The following SLC4A4 variants were observed in gnomAD, a reference collection of about 807,000 sequenced individuals.
SLC4A4 encodes electrogenic sodium bicarbonate cotransporter 1.
Under a neutral mutation model 111.5 loss-of-function variants are expected in SLC4A4, and 27 were observed. That is an observed-to-expected ratio of 0.24 (90% CI 0.18 to 0.33). SLC4A4 has a LOEUF of 0.33. Ranked by LOEUF, SLC4A4 falls within the 10% of genes least tolerant of loss-of-function variation. The pLI is 1.00. For synonymous variants in SLC4A4, 443 were observed against 463.4 expected (o/e 0.96, Z 0.57); for missense variants, 909 against 1,315.5 (o/e 0.69, Z 4.78).
At chr4:71,073,615 A>G (rs1741726342) in intron 1 of SLC4A4, among the ~76,000 whole-genome samples, 1 of 151,982 alleles carries the variant, frequency 6.6e-6, no homozygotes, top group Non-Finnish European at 1.5e-5. Context: ...TTCACAAACT[A>G]TATTTCACAT....
intron 8 of SLC4A4, among the ~76,000 whole-genome samples, chr4:71,447,202 C>T (rs1027280553): frequency 1.3e-5 from 2 of 152,246 alleles, no homozygotes; most frequent in East Asian, 1.9e-4. Context: ...AGTGTGGAGA[C>T]GATCATCTGT....
At chr4:71,074,303 A>G (rs74380820) in intron 1 of SLC4A4, among the ~76,000 whole-genome samples, 70 of 152,346 alleles carry the variant, frequency 4.6e-4, no homozygotes, top group African/African-American at 1.7e-3. Flanking sequence ...AGGCTGCACC[A>G]GCAAGAGTTC....
chr4:71,412,036 T>C (rs1721404683), intron 7 of SLC4A4, among the ~76,000 whole-genome samples: 1 of 152,256 alleles, frequency 6.6e-6, no homozygotes, highest in Non-Finnish European at 1.5e-5. Context: ...GATTAAGACA[T>C]AATACGTTAT....
At chr4:71,068,521 T>C (rs1318195972) in intron 1 of SLC4A4, among the ~76,000 whole-genome samples, 3 of 152,198 alleles carry the variant, frequency 2.0e-5, no homozygotes, top group Admixed American at 2.0e-4. Context: ...CTGATTTTCA[T>C]CACCATACAT....
chr4:71,485,492 A>T (rs2149129312), intron 14 of SLC4A4, among the ~76,000 whole-genome samples: 1 of 151,758 alleles, frequency 6.6e-6, no homozygotes, highest in East Asian at 2.0e-4. Context: ...AGCCTACTTG[A>T]TCGTGGTGGA....
At chr4:71,521,704 G>A (rs1293696526) in intron 16 of SLC4A4, among the ~76,000 whole-genome samples, 1 of 152,164 alleles carries the variant, frequency 6.6e-6, no homozygotes, top group Non-Finnish European at 1.5e-5. Context: ...GTGAGACTGG[G>A]GAGCCCATAG....
rs144155178 is a variant in SLC4A4, at chr4:71,172,549, T to C, written c.-1-64027T>C. Among the ~76,000 whole-genome samples the C allele has an allele frequency of 4.1e-3, 628 of 152,356 alleles. 8 individuals carry two copies. The highest frequency in any genetic ancestry group is 0.014 in the African/African-American group (588 of 41,574). ...GATTACAGGCGTGAGCCACCGTGCC[T>C]GGCCTAGCACAGATATTTTCTGACA... On this transcript the variant is annotated intron_variant, in intron 2 of 26. Coordinates refer to the SLC4A4 transcript ENST00000649996.
intron 22 of SLC4A4, 147 bp downstream of exon 22, chr4:71,558,032 T>G: frequency 1.4e-6 from 1 of 695,826 alleles, no homozygotes; most frequent in South Asian, 1.6e-5. Context: ...TAATTTACAT[T>G]TCCCATGTTT....
intron 16 of SLC4A4, among the ~76,000 whole-genome samples, chr4:71,509,561 G>T (rs1248924783): frequency 6.6e-6 from 1 of 152,098 alleles, no homozygotes; most frequent in South Asian, 2.1e-4. Flanking sequence ...TACTTCATGG[G>T]GGTTTGTGAT....
intron 3 of SLC4A4, among the ~76,000 whole-genome samples, chr4:71,327,080 T>C (rs1727558502): frequency 2.0e-5 from 3 of 152,020 alleles, no homozygotes; most frequent in Admixed American, 1.3e-4. Flanking sequence ...TATGTAGACT[T>C]GTCATGCTCA....
chr4:71,566,433 TTA>T (rs1737476707), intron 24 of SLC4A4, among the ~76,000 whole-genome samples: 1 of 151,684 alleles, frequency 6.6e-6, no homozygotes, highest in South Asian at 2.1e-4. Flanking sequence ...TGGAAAAAGT[TTA>T]TGTGCCATTT....
chr4:71,548,003 A>G (rs1039834985), intron 20 of SLC4A4, among the ~76,000 whole-genome samples: 4 of 151,882 alleles, frequency 2.6e-5, no homozygotes, highest in Non-Finnish European at 5.9e-5. Context: ...AGTTTCATGC[A>G]ATTGAATCAG....
At chr4:71,314,840 G>C (rs749740049) in intron 3 of SLC4A4, among the ~76,000 whole-genome samples, 2 of 151,940 alleles carry the variant, frequency 1.3e-5, no homozygotes, top group African/African-American at 4.8e-5. Flanking sequence ...ACCAAATGAC[G>C]GGTTGACAGG....
chr4:71,086,543 A>G (rs1044247236), intron 1 of SLC4A4, among the ~76,000 whole-genome samples: 16 of 151,940 alleles, frequency 1.1e-4, no homozygotes, highest in African/African-American at 2.9e-4. Flanking sequence ...CTGTGGGTTT[A>G]TCATAGATAG....
rs1267785313 is a variant in SLC4A4 at position 71,562,913 on chromosome 4, T to C, written c.3100-880T>C. Among the ~76,000 whole-genome samples, 4 of 151,860 alleles carry C rather than the reference T, an allele frequency of 2.6e-5. No homozygotes were observed. In the South Asian group the frequency reaches 6.2e-4, roughly 24 times the overall value. The stretch of plus-strand genomic sequence containing the variant: ...TAGGTAATAGGCTTTATGTTAAGAT[T>C]TTATTAACATTAATTCTCATTTTAT... On this transcript the variant is annotated intron_variant, in intron 23 of 25. Coordinates refer to ENST00000264485, the MANE Select transcript of SLC4A4 (RefSeq NM_001098484.3).
chr4:71,215,284 T>C (rs1350283149), intron 1 of SLC4A4, among the ~76,000 whole-genome samples: 4 of 152,218 alleles, frequency 2.6e-5, no homozygotes, highest in Non-Finnish European at 5.9e-5. Context: ...TTTTTTCTTG[T>C]TTTGTTTTAC....
chr4:71,313,991 A>G (rs973092322), intron 3 of SLC4A4, among the ~76,000 whole-genome samples: 1 of 152,192 alleles, frequency 6.6e-6, no homozygotes, highest in Non-Finnish European at 1.5e-5. Flanking sequence ...CATCCTACAG[A>G]ATGGGAGAAA....
intron 6 of SLC4A4, among the ~76,000 whole-genome samples, chr4:71,369,296 T>G (rs1731632777): frequency 2.0e-5 from 3 of 152,202 alleles, no homozygotes; most frequent in Admixed American, 2.0e-4. Context: ...CTGACTTATT[T>G]CTTCTACTGT....
intron 3 of SLC4A4, among the ~76,000 whole-genome samples, chr4:71,335,865 C>A (rs1728398955): frequency 6.6e-6 from 1 of 151,914 alleles, no homozygotes; most frequent in South Asian, 2.1e-4. Flanking sequence ...AAAACATATT[C>A]ATTGTACCTT....
Sources: allele counts gnomAD v4.1 joint callset (sites outside exome capture counted in the v4.1 genomes callset), GRCh38; gene constraint gnomAD v4.1.1; transcripts MANE v1.5; gene names NCBI Gene and HGNC (gene_info 2026-07-23, HGNC 2026-07-21).